TNFRSF9: variants seen among roughly 807,000 people sequenced by gnomAD.
TNFRSF9 encodes tumor necrosis factor receptor superfamily member 9.
TNFRSF9 carries 16 observed loss-of-function variants against 28.8 expected under a neutral mutation model. That is an observed-to-expected ratio of 0.55 (90% CI 0.38 to 0.84). TNFRSF9 has a LOEUF of 0.84. Ranked by LOEUF, TNFRSF9 falls within the 40% of genes least tolerant of loss-of-function variation. The pLI is 0.00. For synonymous variants in TNFRSF9, 131 were observed against 117.0 expected (o/e 1.12, Z -0.77); for missense variants, 303 against 315.0 (o/e 0.96, Z 0.29).
intron 7 of TNFRSF9, among the ~76,000 whole-genome samples, chr1:7,922,399 G>A (rs1243838063): frequency 6.6e-6 from 1 of 152,162 alleles, no homozygotes. Flanking sequence ...AATTGGGTCA[G>A]GATCTCCAGA....
In TNFRSF9 at chr1:7,920,779, C is replaced by T; in HGVS notation, c.*56G>A. On this transcript the variant is annotated 3_prime_UTR_variant, in exon 8 of 8. Coordinates refer to ENST00000377507, the MANE Select transcript of TNFRSF9 (RefSeq NM_001561.6). ...TTTTGAAAGCTGTGATAGCGGATGA[C>T]TCATATTTCCTTGCTTCTTTTCAAG... The T allele has an allele frequency of 1.5e-6, 2 of 1,351,482 alleles. No homozygotes were observed. The highest frequency in any genetic ancestry group is 2.3e-5 in the East Asian group (1 of 43,664). The allele number at this position is 1,351,482 out of a possible 1,614,324, so 83.7% of individuals were successfully genotyped here. A position where few individuals can be genotyped will look rare whatever the true frequency, so the allele number is the denominator to read the frequency against.
At chr1:7,926,805 G>C (rs1182523249) in intron 7 of TNFRSF9, among the ~76,000 whole-genome samples, 2 of 152,186 alleles carry the variant, frequency 1.3e-5, no homozygotes, top group Non-Finnish European at 2.9e-5. Flanking sequence ...TTTGACAAAG[G>C]TACAATGAAG....
chr1:7,916,129 A>C lies in TNFRSF9; in HGVS notation c.*4706T>G, dbSNP rs944777582. ...GAGTGATATCTTCCACTAAAGAAAA[A>C]AAATTAAAACTTTCTTCTGAAAAAA... On this transcript the variant is annotated 3_prime_UTR_variant, in exon 8 of 8. Transcript: ENST00000377507. 8 of 152,204 alleles carry C rather than the reference A, an allele frequency of 5.3e-5. No homozygotes were observed. Among genetic ancestry groups the C allele is most frequent in the Non-Finnish European group, 1.0e-4 (7 of 68,036 alleles). The allele number at this position is 152,204 out of a possible 1,614,324, so 9.4% of individuals were successfully genotyped here.
At chr1:7,922,040 C>G (rs1436205704) in intron 7 of TNFRSF9, 2 of 152,110 alleles carry the variant, frequency 1.3e-5, no homozygotes, top group African/African-American at 4.8e-5. Context: ...AACCAAGAAC[C>G]GATCTGTGCG....
At chr1:7,934,368 C>G (rs1398055873) in intron 6 of TNFRSF9, among the ~76,000 whole-genome samples, 2 of 148,780 alleles carry the variant, frequency 1.3e-5, no homozygotes, top group Non-Finnish European at 3.0e-5. Context: ...GAACAAGGCA[C>G]TCTCGGGGGA....
chr1:7,937,690 T>G lies in TNFRSF9; in HGVS notation c.413A>C (p.Asn138Thr). The change falls in exon 5 of 8, where the codon AAC becomes ACC. Residue 138 changes from asparagine to threonine, a missense_variant and splice_region_variant. By Grantham distance (65) the Asn-to-Thr change is moderately conservative. Coordinates refer to ENST00000377507, the MANE Select transcript of TNFRSF9 (RefSeq NM_001561.6). ...QKRGICRPWT[N>T]CSLDGKSVLV... is the part of the protein sequence containing the mutation. Reference sequence around the variant, plus strand: ...ATAAACTAAAGGAAATTATACGTACTTTGTCCAGGGTCGACAGATGCCACG... The same window carrying G: ...ATAAACTAAAGGAAATTATACGTACGTTGTCCAGGGTCGACAGATGCCACG... 1 of 1,612,678 alleles carries G rather than the reference T, an allele frequency of 6.2e-7. No homozygotes were observed. Among genetic ancestry groups the G allele is most frequent in the Admixed American group, 1.7e-5 (1 of 59,988 alleles).
Position 7,937,756 on chromosome 1 carries a change from C to A in TNFRSF9, c.347G>T (p.Gly116Val). ...TGTCCCAAAGCAACAGTCTTTACAA[C>A]CTTGTATTAAAAATGAAAGCAATAA... is the stretch of plus-strand genomic sequence containing the variant. ...CKQGQELTKK[G>V]CKDCCFGTFN... Residue 116 changes from glycine to valine, a missense_variant and splice_region_variant, in exon 5 of 8, where the codon GGT becomes GTT. Transcript: ENST00000377507. 1 of 1,610,654 alleles carries A rather than the reference C, an allele frequency of 6.2e-7. No individual in the cohort carries two copies. Among genetic ancestry groups the A allele is most frequent in the South Asian group, 1.1e-5 (1 of 90,666 alleles).
At chr1:7,926,502 G>T (rs1431718688) in intron 7 of TNFRSF9, among the ~76,000 whole-genome samples, 3 of 152,140 alleles carry the variant, frequency 2.0e-5, no homozygotes, top group African/African-American at 7.2e-5. Flanking sequence ...ATGTCAATTT[G>T]CCCGAAACTG....
At chr1:7,921,009 C>T in intron 7 of TNFRSF9, 86 bp from the exon 8 acceptor site, 1 of 954,860 alleles carries the variant, frequency 1.0e-6, no homozygotes, top group Non-Finnish European at 1.7e-6. Flanking sequence ...AGCTGCAGAA[C>T]ATCTCTAAGC....
intron 2 of TNFRSF9, among the ~76,000 whole-genome samples, chr1:7,939,667 A>G (rs1281398546): frequency 6.6e-6 from 1 of 152,226 alleles, no homozygotes; most frequent in African/African-American, 2.4e-5. Flanking sequence ...CAGCCATCCT[A>G]TAAAACAGGT....
Position 7,919,417 on chromosome 1 carries a change from G to A in TNFRSF9, c.*1418C>T, listed in dbSNP as rs763355385. On this transcript the variant is annotated 3_prime_UTR_variant, in exon 8 of 8. Coordinates refer to ENST00000377507, the MANE Select transcript of TNFRSF9 (RefSeq NM_001561.6). ...CAGCTACTTAGGAGGCTGAGGCAGG[G>A]AGATCACTTGAAACTGGGAGGCGGT... 2 of 152,108 alleles carry A rather than the reference G, an allele frequency of 1.3e-5. No individual in the cohort carries two copies. Among genetic ancestry groups the A allele is most frequent in the Non-Finnish European group, 2.9e-5 (2 of 68,016 alleles). 9.4% of individuals were successfully genotyped at this position (152,108 alleles called of 1,614,324 possible).
chr1:7,931,946 C>A (rs1479018255), intron 7 of TNFRSF9, among the ~76,000 whole-genome samples: 1 of 152,154 alleles, frequency 6.6e-6, no homozygotes, highest in African/African-American at 2.4e-5. Context: ...GAGTTCAAGA[C>A]CAGCCTGGCC....
At chr1:7,933,649 G>A (rs1480092406) in intron 6 of TNFRSF9, among the ~76,000 whole-genome samples, 1 of 151,306 alleles carries the variant, frequency 6.6e-6, no homozygotes, top group Admixed American at 6.6e-5. Flanking sequence ...GAGCTAAGAT[G>A]GTGCCACTGC....
rs141328047 is a variant in TNFRSF9 at position 7,931,132 on chromosome 1, CA to C, written c.679+2029del. 4.1e-3 allele frequency among the ~76,000 whole-genome samples: 625 copies of C among 152,296 alleles called. 1 individual carries two copies. The highest frequency in any genetic ancestry group is 7.3e-3 in the Non-Finnish European group (499 of 68,026). On this transcript the variant is annotated intron_variant, in intron 7 of 7. Transcript: ENST00000377507. Reference sequence around the variant, plus strand: ...ATAATCTGATGATACCAAGAGTTATCAGGGGATGTGGAGTAACAGGAAACTC... The same window carrying C: ...ATAATCTGATGATACCAAGAGTTATCGGGGATGTGGAGTAACAGGAAACTC...
intron 7 of TNFRSF9, among the ~76,000 whole-genome samples, chr1:7,924,019 G>A (rs1319015943): frequency 3.9e-5 from 6 of 152,062 alleles, no homozygotes; most frequent in Non-Finnish European, 7.4e-5. Context: ...GTCAAAAACA[G>A]ACTGCATATA....
intron 2 of TNFRSF9, 33 bp downstream of exon 2, chr1:7,939,862 C>T: frequency 6.6e-7 from 1 of 1,512,008 alleles, no homozygotes; most frequent in Non-Finnish European, 9.1e-7. Flanking sequence ...TCCAACAGAG[C>T]AGATCAAATG....
chr1:7,937,081 T>G (rs1639825635), intron 5 of TNFRSF9, among the ~76,000 whole-genome samples: 1 of 152,160 alleles, frequency 6.6e-6, no homozygotes, highest in Non-Finnish European at 1.5e-5. Flanking sequence ...ATTGAACACA[T>G]GGAGACAGGC....
intron 6 of TNFRSF9, 73 bp from the exon 7 acceptor site, chr1:7,933,369 A>G: frequency 2.0e-6 from 3 of 1,491,840 alleles, no homozygotes; most frequent in Non-Finnish European, 2.7e-6. Context: ...ATATATTTAC[A>G]TTGGTAAATT....
intron 4 of TNFRSF9, 140 bp from the exon 5 acceptor site, chr1:7,937,896 A>G (rs1639844506): frequency 1.4e-6 from 1 of 731,434 alleles, no homozygotes; most frequent in African/African-American, 1.8e-5. Context: ...CAACACCCTA[A>G]GATGGCTAGT....
Sources: allele counts gnomAD v4.1 joint callset (sites outside exome capture counted in the v4.1 genomes callset), GRCh38; gene constraint gnomAD v4.1.1; transcripts MANE v1.5; gene names NCBI Gene and HGNC (gene_info 2026-07-23, HGNC 2026-07-21).